The following SEMA5A variants were observed in gnomAD, a reference collection of about 807,000 sequenced individuals.
The protein encoded by SEMA5A is semaphorin-5A.
A neutral mutation model predicts 135.5 loss-of-function variants in SEMA5A; 55 were observed. The ratio of observed to expected loss-of-function variants is 0.41; its 90% CI spans 0.33 to 0.51. SEMA5A has a LOEUF of 0.51. Among genes scored for constraint, SEMA5A ranks in the 20% least tolerant of loss-of-function variants. SEMA5A has a pLI of 0.37. For synonymous variants in SEMA5A, 580 were observed against 546.5 expected (o/e 1.06, Z -0.85); for missense variants, 1,290 against 1,419.9 (o/e 0.91, Z 1.47).
rs145447886 is a variant in SEMA5A, at chr5:9,306,916, A to C, written c.270+11456T>G. Among the ~76,000 whole-genome samples, 448 of 152,248 alleles carry C rather than the reference A, an allele frequency of 2.9e-3. 2 individuals are homozygous for C. Among genetic ancestry groups the C allele is most frequent in the African/African-American group, 0.011 (439 of 41,548 alleles). ...TTTGATTTTGATGCTCCTTTATTCAAATGGTGCTTGGCAATTCTTAGGCAA... is the reference window on the plus strand; with the variant it reads ...TTTGATTTTGATGCTCCTTTATTCACATGGTGCTTGGCAATTCTTAGGCAA... On this transcript the variant is annotated intron_variant, in intron 5 of 22. Coordinates refer to ENST00000382496, the MANE Select transcript of SEMA5A (RefSeq NM_003966.3).
At chr5:9,346,616 A>G (rs1045418701) in intron 3 of SEMA5A, among the ~76,000 whole-genome samples, 2 of 152,096 alleles carry the variant, frequency 1.3e-5, no homozygotes, top group Non-Finnish European at 2.9e-5. Flanking sequence ...GCATCTGCTC[A>G]CCTGTATGCT....
intron 5 of SEMA5A, among the ~76,000 whole-genome samples, chr5:9,250,731 C>T (rs973368715): frequency 1.3e-5 from 2 of 152,088 alleles, no homozygotes; most frequent in Admixed American, 6.6e-5. Context: ...GTTTGGAATT[C>T]TGTGTCCTAA....
At position 9,077,047 on chromosome 5, in the gene SEMA5A, G is replaced by A. The variant is rs189801290; in HGVS notation, c.2074-10401C>T. 9.9e-4 allele frequency among the ~76,000 whole-genome samples: 151 copies of A among 152,264 alleles called. 1 individual carries two copies. The highest frequency in any genetic ancestry group is 1.7e-3 in the Non-Finnish European group (116 of 68,032). ...CATACAATCACCTTCCATGGGATTT[G>A]GAGAAGTGTGGGAGTCACAGGGTAA... On this transcript the variant is annotated intron_variant, in intron 16 of 22. Transcript: ENST00000382496.
intron 2 of SEMA5A, among the ~76,000 whole-genome samples, chr5:9,415,975 G>A (rs1757270532): frequency 6.6e-6 from 1 of 152,170 alleles, no homozygotes; most frequent in African/African-American, 2.4e-5. Flanking sequence ...CCTTTCAAAG[G>A]CAGCTTTAAA....
chr5:9,372,647 C>T (rs566204514), intron 3 of SEMA5A, among the ~76,000 whole-genome samples: 1 of 151,618 alleles, frequency 6.6e-6, no homozygotes, highest in Admixed American at 6.6e-5. Context: ...AGTGCCATGG[C>T]ACATGCATGG....
At position 9,062,810 on chromosome 5, in the gene SEMA5A, G is replaced by A. The variant is rs182327879; in HGVS notation, c.2518+77C>T. ...CTCAAACACGAAGCCAGGGAGCTGCGTGAGGCCTGGTAAATTAGAAGACTC... is the reference window on the plus strand; with the variant it reads ...CTCAAACACGAAGCCAGGGAGCTGCATGAGGCCTGGTAAATTAGAAGACTC... On this transcript the variant is annotated intron_variant, in intron 18 of 22. Coordinates refer to ENST00000382496, the MANE Select transcript of SEMA5A (RefSeq NM_003966.3). The A allele has an allele frequency of 9.2e-5, 133 of 1,447,494 alleles. 3 individuals carry two copies. The East Asian group carries it at 1.8e-3, about 19-fold the overall frequency. 89.7% of individuals were successfully genotyped at this position (1,447,494 alleles called of 1,614,324 possible).
At chr5:9,386,880 C>T (rs1454229315) in intron 2 of SEMA5A, among the ~76,000 whole-genome samples, 2 of 152,176 alleles carry the variant, frequency 1.3e-5, no homozygotes, top group Non-Finnish European at 2.9e-5. Context: ...ATTTATAATC[C>T]ACCCATCCCC....
At chr5:9,542,133 CT>C (rs1316256552) in intron 1 of SEMA5A, among the ~76,000 whole-genome samples, 1 of 152,158 alleles carries the variant, frequency 6.6e-6, no homozygotes, top group Non-Finnish European at 1.5e-5. Flanking sequence ...AAAAATTCAT[CT>C]GAAAAATATG....
chr5:9,330,726 G>A (rs1285634493), intron 4 of SEMA5A, among the ~76,000 whole-genome samples: 4 of 152,146 alleles, frequency 2.6e-5, no homozygotes, highest in East Asian at 1.9e-4. Context: ...GAAGAAAGGG[G>A]AGAACAAGTA....
rs1207339708 is a variant in SEMA5A, at chr5:9,373,091, GA to G, written c.124+6731del. 7.2e-5 allele frequency among the ~76,000 whole-genome samples: 11 copies of G among 152,308 alleles called. 1 individual carries two copies. The highest frequency in any genetic ancestry group is 5.2e-4 in the Admixed American group (8 of 15,304). On this transcript the variant is annotated intron_variant, in intron 3 of 22. Transcript: ENST00000382496. ...GCAGAAAGAGCTTCTTAGACTAGGA[GA>G]GGGGCTGGGGGCACAGTGAGTGAAT...
At chr5:9,507,932 A>G (rs1216325587) in intron 1 of SEMA5A, among the ~76,000 whole-genome samples, 3 of 151,434 alleles carry the variant, frequency 2.0e-5, no homozygotes, top group African/African-American at 7.3e-5. Context: ...TGAACCCAGG[A>G]GGCATAGCTT....
chr5:9,504,938 C>A (rs772968739), intron 1 of SEMA5A, among the ~76,000 whole-genome samples: 15 of 152,244 alleles, frequency 9.9e-5, no homozygotes, highest in Non-Finnish European at 1.6e-4. Context: ...GTTTTCCTCA[C>A]CCCTGTGCTT....
intron 8 of SEMA5A, among the ~76,000 whole-genome samples, chr5:9,221,654 A>G (rs1487869870): frequency 6.6e-6 from 1 of 152,156 alleles, no homozygotes; most frequent in Non-Finnish European, 1.5e-5. Context: ...AAGAAATTTG[A>G]GGTTATGGTG....
At chr5:9,507,830 C>A (rs1395486671) in intron 1 of SEMA5A, among the ~76,000 whole-genome samples, 1 of 151,926 alleles carries the variant, frequency 6.6e-6, no homozygotes, top group Non-Finnish European at 1.5e-5. Flanking sequence ...TGGTGAAACC[C>A]CGTCTCTTCT....
At chr5:9,456,514 A>G (rs941189987) in intron 1 of SEMA5A, among the ~76,000 whole-genome samples, 1 of 152,232 alleles carries the variant, frequency 6.6e-6, no homozygotes, top group African/African-American at 2.4e-5. Context: ...CAGGCAGAGC[A>G]CAATTAAGGA....
intron 1 of SEMA5A, among the ~76,000 whole-genome samples, chr5:9,487,440 G>T (rs536540144): frequency 6.6e-6 from 1 of 152,130 alleles, no homozygotes. Flanking sequence ...CATGGGAATC[G>T]GCTCCAGAGA....
At chr5:9,469,379 G>A (rs148516616) in intron 1 of SEMA5A, among the ~76,000 whole-genome samples, 81 of 152,308 alleles carry the variant, frequency 5.3e-4, no homozygotes, top group Admixed American at 2.9e-3. Context: ...TTAGTTATGC[G>A]GAATGTTTAA....
chr5:9,377,713 T>C (rs774845106), intron 3 of SEMA5A, among the ~76,000 whole-genome samples: 5 of 152,156 alleles, frequency 3.3e-5, no homozygotes, highest in Non-Finnish European at 7.3e-5. Context: ...AAATAGACAC[T>C]AAGATGGGAA....
chr5:9,356,123 A>G (rs1040970872), intron 3 of SEMA5A, among the ~76,000 whole-genome samples: 1 of 152,190 alleles, frequency 6.6e-6, no homozygotes, highest in Non-Finnish European at 1.5e-5. Flanking sequence ...GTGAGAGCTG[A>G]TAGCCCCAGG....
Sources: allele counts gnomAD v4.1 joint callset (sites outside exome capture counted in the v4.1 genomes callset), GRCh38; gene constraint gnomAD v4.1.1; transcripts MANE v1.5; gene names NCBI Gene and HGNC (gene_info 2026-07-23, HGNC 2026-07-21).